Variants in GREM2 observed in about 807,000 individuals in gnomAD.
GREM2 encodes the protein gremlin-2.
Under a neutral mutation model 14.2 loss-of-function variants are expected in GREM2, and 11 were observed. The ratio of observed to expected loss-of-function variants is 0.78; its 90% CI spans 0.49 to 1.28. GREM2 has a LOEUF of 1.28. Among genes scored for constraint, GREM2 ranks in the 50% most tolerant of loss-of-function variants. GREM2 has a pLI of 0.00. For missense variants in GREM2, 210 were observed against 218.5 expected, an observed-to-expected ratio of 0.96 and a Z score of 0.24; for synonymous variants, 98 against 97.6, an observed-to-expected ratio of 1.00 and a Z score of -0.02.
At chr1:240,527,160 C>A (rs1258837082) in intron 1 of GREM2, among the ~76,000 whole-genome samples, 3 of 152,150 alleles carry the variant, frequency 2.0e-5, no homozygotes, top group African/African-American at 7.2e-5. Flanking sequence ...TTTTCTAGAT[C>A]TGGTGGTATG....
chr1:240,569,581 G>A (rs1679222866), intron 1 of GREM2, among the ~76,000 whole-genome samples: 2 of 152,122 alleles, frequency 1.3e-5, no homozygotes. Flanking sequence ...AAGATGTAAA[G>A]GCAATTTGTT....
intron 1 of GREM2, among the ~76,000 whole-genome samples, chr1:240,509,620 A>G (rs1053685025): frequency 1.3e-5 from 2 of 151,914 alleles, no homozygotes; most frequent in Non-Finnish European, 2.9e-5. Flanking sequence ...CGCCCGCCTC[A>G]GCCTCCCAGT....
At chr1:240,518,088 A>G (rs1386953055) in intron 1 of GREM2, among the ~76,000 whole-genome samples, 1 of 152,218 alleles carries the variant, frequency 6.6e-6, no homozygotes, top group African/African-American at 2.4e-5. Flanking sequence ...ATGCTGAGAT[A>G]GTGAAGGCAA....
In GREM2 at chr1:240,497,946, G is replaced by C. The variant is rs138914526; in HGVS notation, c.-1-4470C>G. On this transcript the variant is annotated intron_variant, in intron 1 of 1. Coordinates refer to ENST00000318160, the MANE Select transcript of GREM2 (RefSeq NM_022469.4). Reference sequence around the variant, plus strand: ...ACATTCTGAGTAAACATAACCAAGAGTTTGCAAGTCCCAGCCAGGAAAGAT... The same window carrying C: ...ACATTCTGAGTAAACATAACCAAGACTTTGCAAGTCCCAGCCAGGAAAGAT... Among the ~76,000 whole-genome samples, 639 of 152,276 alleles carry C rather than the reference G, an allele frequency of 4.2e-3. 5 individuals are homozygous for C. Among genetic ancestry groups the C allele is most frequent in the African/African-American group, 0.014 (596 of 41,554 alleles).
chr1:240,591,068 CCA>C lies in GREM2; in HGVS notation c.-2+20814_-2+20815del, dbSNP rs1169655909. Among the ~76,000 whole-genome samples, 246 of 152,298 alleles carry C rather than the reference CCA, an allele frequency of 1.6e-3. 1 individual carries two copies. The highest frequency in any genetic ancestry group is 3.0e-3 in the Non-Finnish European group (206 of 68,034). On this transcript the variant is annotated intron_variant, in intron 1 of 1. Transcript: ENST00000318160. Reference sequence around the variant, plus strand: ...GTGCTGGGATTACAGGCGTGAGCCACCATGCCCAGCCAGAAATGACTTCTTAA... The same window carrying C: ...GTGCTGGGATTACAGGCGTGAGCCACTGCCCAGCCAGAAATGACTTCTTAA...
At chr1:240,498,726 A>G (rs916961195) in intron 1 of GREM2, among the ~76,000 whole-genome samples, 4 of 152,224 alleles carry the variant, frequency 2.6e-5, no homozygotes, top group African/African-American at 9.6e-5. Context: ...TTGGCACACA[A>G]TTAACCTTTC....
intron 1 of GREM2, among the ~76,000 whole-genome samples, chr1:240,499,318 G>C (rs762046223): frequency 6.6e-6 from 1 of 152,198 alleles, no homozygotes; most frequent in Non-Finnish European, 1.5e-5. Flanking sequence ...CCTGGGCTGT[G>C]CAGGAATGGT....
intron 1 of GREM2, among the ~76,000 whole-genome samples, chr1:240,545,836 G>A (rs16840341): frequency 0.26 from 38,889 of 152,020 alleles, 5,226 homozygotes; most frequent in East Asian, 0.38. Context: ...CTTTGTCTTC[G>A]GATTCTATAT....
At chr1:240,506,143 G>C (rs925837826) in intron 1 of GREM2, among the ~76,000 whole-genome samples, 2 of 152,118 alleles carry the variant, frequency 1.3e-5, no homozygotes, top group Admixed American at 6.5e-5. Flanking sequence ...TTATTTGCAA[G>C]CATGAGAATA....
chr1:240,557,422 A>C (rs1035653409), intron 1 of GREM2, among the ~76,000 whole-genome samples: 2 of 152,212 alleles, frequency 1.3e-5, no homozygotes, highest in Admixed American at 1.3e-4. Flanking sequence ...CCTGAAAAAG[A>C]AAACAACCAC....
At chr1:240,545,257 C>T (rs933987233) in intron 1 of GREM2, among the ~76,000 whole-genome samples, 6 of 152,186 alleles carry the variant, frequency 3.9e-5, no homozygotes, top group Admixed American at 6.5e-5. Flanking sequence ...ATTAAGCCTC[C>T]GCAAAACCCC....
rs200725020 is a variant in GREM2, at chr1:240,600,586, CA to C, written c.-2+11297del. Among the ~76,000 whole-genome samples the C allele has an allele frequency of 8.4e-3, 1,272 of 152,246 alleles. 18 individuals are homozygous for C. Among genetic ancestry groups the C allele is most frequent in the African/African-American group, 0.028 (1,152 of 41,540 alleles). ...ACAACCTCCACCTCCCAGGCTCAAG[CA>C]ATTCTCCTACCTCAGCCTCCTGAGT... On this transcript the variant is annotated intron_variant, in intron 1 of 1. Transcript: ENST00000318160.
At chr1:240,532,640 T>TATAG (rs199526145) in intron 1 of GREM2, among the ~76,000 whole-genome samples, 6,090 of 104,166 alleles carry the variant, frequency 0.058, 129 homozygotes, top group Middle Eastern at 0.097. Context: ...AAGAGATATA[T>TATAG]ATAGATAGAT....
intron 1 of GREM2, among the ~76,000 whole-genome samples, chr1:240,515,561 G>A (rs1677935073): frequency 6.6e-6 from 1 of 151,988 alleles, no homozygotes; most frequent in Non-Finnish European, 1.5e-5. Flanking sequence ...CTCTCTCTGG[G>A]AGGGCACTTT....
Position 240,492,991 on chromosome 1 carries a change from A to G in GREM2, c.485T>C (p.Leu162Pro). The stretch of plus-strand genomic sequence containing the variant: ...CGCTCACTGCTTGTCCGAGTCGCTC[A>G]GGTTCACGGACATGCACCGGCACTG... ...VKQCRCMSVN[L>P]SDSDKQ Residue 162 changes from leucine to proline, a missense_variant, in exon 2 of 2, where the codon CTG becomes CCG. Transcript: ENST00000318160. The G allele has an allele frequency of 6.4e-7, 1 of 1,551,322 alleles. No homozygotes were observed. Among genetic ancestry groups the G allele is most frequent in the Non-Finnish European group, 8.7e-7 (1 of 1,143,068 alleles).
At chr1:240,573,809 T>TC (rs1376033290) in intron 1 of GREM2, among the ~76,000 whole-genome samples, 1 of 152,156 alleles carries the variant, frequency 6.6e-6, no homozygotes, top group Non-Finnish European at 1.5e-5. Flanking sequence ...CCTGGGACCT[T>TC]CCATAGCCTG....
At chr1:240,608,844 T>G (rs368143919) in intron 1 of GREM2, among the ~76,000 whole-genome samples, 62 of 148,754 alleles carry the variant, frequency 4.2e-4, no homozygotes, top group African/African-American at 9.4e-4. Context: ...TGGAGGGAGA[T>G]TTTTTAGCCA....
chr1:240,562,922 ATGTGTATGTGTGTGAGTGTGTGAG>A (rs1228704364), intron 1 of GREM2, among the ~76,000 whole-genome samples: 6 of 133,926 alleles, frequency 4.5e-5, no homozygotes, highest in South Asian at 4.9e-4. Context: ...CTGTGAGTGT[ATGTGTATGTGTGTGAGTGTGTGAG>A]TGTGTATGTG....
At chr1:240,505,753 A>C (rs1677663044) in intron 1 of GREM2, among the ~76,000 whole-genome samples, 1 of 151,998 alleles carries the variant, frequency 6.6e-6, no homozygotes, top group Non-Finnish European at 1.5e-5. Flanking sequence ...TGATAGGAAA[A>C]AAAAAAGAAT....
Sources: gnomAD v4.1 joint callset for allele counts (sites outside exome capture counted in the v4.1 genomes callset) on GRCh38, gnomAD v4.1.1 for gene constraint, MANE v1.5 for transcripts, NCBI Gene and HGNC (gene_info 2026-07-23, HGNC 2026-07-21) for gene names.